Variants in DPF1 observed in about 807,000 individuals in gnomAD.
The protein encoded by DPF1 is zinc finger protein neuro-d4.
In DPF1, 14 loss-of-function variants were observed where a neutral mutation model predicts 58.7. The observed-to-expected ratio is 0.24, with a 90% CI of 0.16 to 0.37. The LOEUF is 0.37. Among genes scored for constraint, DPF1 ranks in the 10% least tolerant of loss-of-function variants. The pLI is 1.00. For missense variants in DPF1, 345 were observed against 529.9 expected (o/e 0.65, Z 3.43); for synonymous variants, 216 against 216.0 (o/e 1.00, Z 0.00).
At chr19:38,225,161 T>A (rs564994297), upstream of DPF1, among the ~76,000 whole-genome samples, 3 of 152,216 alleles carry the variant, frequency 2.0e-5, no homozygotes, top group South Asian at 6.2e-4. Context: ...GGAGAATCAC[T>A]TGAACTCAGG....
chr19:38,223,549 T>C (rs1238273955), intron 1 of DPF1, among the ~76,000 whole-genome samples: 2 of 151,574 alleles, frequency 1.3e-5, no homozygotes, highest in Non-Finnish European at 2.9e-5. Flanking sequence ...CACACAAAAA[T>C]TTACACACAA....
chr19:38,220,622 A>AAAAAAG (rs201354799), intron 3 of DPF1, among the ~76,000 whole-genome samples: 1 of 151,620 alleles, frequency 6.6e-6, no homozygotes. Context: ...TCTCAAAAAA[A>AAAAAAG]AAAAAGAAAA....
rs1967154753 is a variant in DPF1 at position 38,217,886 on chromosome 19, G to C, written c.517-10C>G. ...CCCCGATGCCATATGCCTGTGGGGA[G>C]AGTCAGGAGTGAGGGGCCAAGAAAG... On this transcript the variant is annotated splice_polypyrimidine_tract_variant and intron_variant, in intron 5 of 11. Transcript: ENST00000355526. 1 of 1,613,778 alleles carries C rather than the reference G, an allele frequency of 6.2e-7. No homozygotes were observed. Among genetic ancestry groups the C allele is most frequent in the Non-Finnish European group, 8.5e-7 (1 of 1,179,844 alleles).
At chr19:38,214,258 A>AACAAAACTGTTACTC (rs1305029346) in intron 9 of DPF1, among the ~76,000 whole-genome samples, 1 of 152,184 alleles carries the variant, frequency 6.6e-6, no homozygotes, top group African/African-American at 2.4e-5. Context: ...GTGCCCCAGC[A>AACAAAACTGTTACTC]ACAAAACTGT....
Position 38,220,333 on chromosome 19 carries a change from A to G in DPF1, c.299-1275T>C, listed in dbSNP as rs541379639. 3.5e-3 allele frequency among the ~76,000 whole-genome samples: 514 copies of G among 145,576 alleles called. 5 individuals carry two copies. The highest frequency in any genetic ancestry group is 0.013 in the African/African-American group (497 of 39,108). The stretch of plus-strand genomic sequence containing the variant: ...GAAAGAAAGAAAGAAAGAGAAAGAA[A>G]GAAAGAGGCCGGGTGCGGTGGCTCA... On this transcript the variant is annotated intron_variant, in intron 3 of 11. Transcript: ENST00000355526.
chr19:38,212,237 T>TGGGGGGGGGGGGGGGGGGGGG, intron 11 of DPF1, 43 bp downstream of exon 11: 3 of 1,256,780 alleles, frequency 2.4e-6, no homozygotes, highest in Non-Finnish European at 2.2e-6. Context: ...GGAGATGGCG[T>TGGGGGGGGGGGGGGGGGGGGG]TCCCACCCAC....
chr19:38,217,374 A>G, intron 7 of DPF1, 86 bp downstream of exon 7: 1 of 989,388 alleles, frequency 1.0e-6, no homozygotes, highest in Non-Finnish European at 1.4e-6. Flanking sequence ...AGAAATGTCT[A>G]ATGCCCCCCC....
In DPF1 at chr19:38,216,339, G is replaced by A. The variant is rs780351001; in HGVS notation, c.778+14C>T. ...GTGGCTGCAGACTTTAGGAGCAGAAGGAGGCATCCGTACCTGTGTGTTTCC... is the reference window on the plus strand; with the variant it reads ...GTGGCTGCAGACTTTAGGAGCAGAAAGAGGCATCCGTACCTGTGTGTTTCC... On this transcript the variant is annotated intron_variant, in intron 8 of 11. Coordinates refer to ENST00000355526, the MANE Select transcript of DPF1 (RefSeq NM_001135155.3). 3.7e-6 allele frequency: 6 copies of A among 1,604,530 alleles called. No homozygotes were observed. Among genetic ancestry groups the A allele is most frequent in the Non-Finnish European group, 4.3e-6 (5 of 1,174,026 alleles).
upstream of DPF1, among the ~76,000 whole-genome samples, chr19:38,226,966 C>CTTTTTCTTT (rs142546029): frequency 1.4e-5 from 2 of 143,344 alleles, no homozygotes; most frequent in African/African-American, 5.4e-5. Context: ...TTCTATTTTT[C>CTTTTTCTTT]TTTCTTTTCT....
At chr19:38,228,823 C>A (rs1967934165), upstream of DPF1, 1 of 152,230 alleles carries the variant, frequency 6.6e-6, no homozygotes, top group South Asian at 2.1e-4. Flanking sequence ...AAGAGGCGAA[C>A]GCTCGGAGGA....
rs762011770 is a variant in DPF1, at chr19:38,222,479, G to T, written c.191-15C>A. On this transcript the variant is annotated splice_polypyrimidine_tract_variant and intron_variant, in intron 2 of 11. Coordinates refer to ENST00000355526, the MANE Select transcript of DPF1 (RefSeq NM_001135155.3). This position sits in a 1 kb window ranked among gnomAD's most constrained non-coding sequence, Gnocchi z 4.9. ...CGGGGCCAAACCTGGAGAGAGAGGG[G>T]GGTGAGAGGGCGGCGGCGGTGGGGC... is the stretch of plus-strand genomic sequence containing the variant. The T allele has an allele frequency of 6.3e-6, 10 of 1,582,472 alleles. No homozygotes were observed. Among genetic ancestry groups the T allele is most frequent in the African/African-American group, 1.4e-5 (1 of 71,796 alleles).
Position 38,222,993 on chromosome 19 carries a change from A to G in DPF1, c.30-285T>C. On this transcript the variant is annotated intron_variant, in intron 1 of 11. Transcript: ENST00000355526. This position sits in a 1 kb window ranked among gnomAD's most constrained non-coding sequence, Gnocchi z 4.9. ...GACGTATCCCTACCTGAACACATGCAGACACACAACACAAATCACACACAG... is the reference window on the plus strand; with the variant it reads ...GACGTATCCCTACCTGAACACATGCGGACACACAACACAAATCACACACAG... The G allele has an allele frequency of 2.3e-6, 1 of 435,288 alleles. No homozygotes were observed. 27.0% of individuals were successfully genotyped at this position (435,288 alleles called of 1,614,324 possible).
upstream of DPF1, among the ~76,000 whole-genome samples, chr19:38,227,037 T>TTCCTTCCTTC (rs1568325406): frequency 1.5e-4 from 18 of 121,920 alleles, no homozygotes; most frequent in South Asian, 2.6e-4. Flanking sequence ...TTCCTTCCTT[T>TTCCTTCCTTC]CTTTCTTTCT....
chr19:38,226,199 TCACAAACTGACCCAGTCTCTCTGCAACAC>T (rs1221696024), upstream of DPF1, among the ~76,000 whole-genome samples: 1 of 149,788 alleles, frequency 6.7e-6, no homozygotes, highest in Non-Finnish European at 1.5e-5. Context: ...ACCCACTGAG[TCACAAACTGACCCAGTCTCTCTGCAACAC>T]CACCACCCCG....
chr19:38,218,012 G>C, intron 5 of DPF1, 136 bp from the exon 6 acceptor site: 1 of 792,964 alleles, frequency 1.3e-6, no homozygotes, highest in South Asian at 1.6e-5. Flanking sequence ...GACCACCTTG[G>C]CCAACATGGT....
upstream of DPF1, among the ~76,000 whole-genome samples, chr19:38,227,031 TTC>T (rs2146229578): frequency 7.3e-6 from 1 of 137,272 alleles, no homozygotes; most frequent in African/African-American, 2.9e-5. Context: ...CCTTCCTTCC[TTC>T]CTTTCTTTCT....
chr19:38,217,563 C>G lies in DPF1; in HGVS notation c.624G>C (p.Pro208=), dbSNP rs779203063. The stretch of plus-strand genomic sequence containing the variant: ...TGTGGGTGTAGTGGTAGCTGAGCCC[C>G]GGCCGGTTCTTATACCGTTTCCCAC... The part of the protein sequence containing the change: ...DICGKRYKNR[P]GLSYHYTHTH... The change falls in exon 7 of 12, where the codon CCG becomes CCC. Residue 208 remains proline, a synonymous_variant. Coordinates refer to ENST00000355526, the MANE Select transcript of DPF1 (RefSeq NM_001135155.3). 2 of 1,551,400 alleles carry G rather than the reference C, an allele frequency of 1.3e-6. No individual in the cohort carries two copies. The highest frequency in any genetic ancestry group is 1.4e-5 in the African/African-American group (1 of 73,158).
At chr19:38,213,941 C>A (rs1201611816) in intron 9 of DPF1, 185 bp from the exon 10 acceptor site, 2 of 581,554 alleles carry the variant, frequency 3.4e-6, no homozygotes, top group South Asian at 2.1e-5. Context: ...CCCCGGCCAC[C>A]ACAGTCTCCT....
At chr19:38,212,237 T>TGGGGGGGGGGGCG in intron 11 of DPF1, 43 bp downstream of exon 11, 1 of 1,256,812 alleles carries the variant, frequency 8.0e-7, no homozygotes, top group Non-Finnish European at 1.1e-6. Flanking sequence ...GGAGATGGCG[T>TGGGGGGGGGGGCG]TCCCACCCAC....
Sources: gnomAD v4.1 joint callset for allele counts (sites outside exome capture counted in the v4.1 genomes callset) on GRCh38, gnomAD v4.1.1 for gene constraint, Gnocchi (gnomAD v3.1) non-coding constraint, MANE v1.5 for transcripts, NCBI Gene and HGNC (gene_info 2026-07-23, HGNC 2026-07-21) for gene names.